Variants in FAM81A observed in about 807,000 individuals in gnomAD.
The protein encoded by FAM81A is family with sequence similarity 81 member A.
FAM81A carries 19 observed loss-of-function variants against 46.7 expected under a neutral mutation model. The observed-to-expected ratio is 0.41, with a 90% CI of 0.28 to 0.60. The LOEUF (loss-of-function observed/expected upper bound fraction) is 0.60, where lower values mean the gene tolerates loss of function less well. Ranked by LOEUF, FAM81A falls within the 20% of genes least tolerant of loss-of-function variation. The probability of loss-of-function intolerance (pLI) is 0.34; values close to 1 mark genes in which losing one functional copy is unlikely to be tolerated. For synonymous variants in FAM81A, 183 were observed against 152.9 expected (o/e 1.20, Z -1.45); for missense variants, 377 against 453.5 (o/e 0.83, Z 1.53).
At chr15:59,400,894 A>T (rs1330435312) in intron 1 of FAM81A, among the ~76,000 whole-genome samples, 1 of 152,124 alleles carries the variant, frequency 6.6e-6, no homozygotes, top group African/African-American at 2.4e-5. Flanking sequence ...GTTTCTATTG[A>T]TGCATTTTTA....
chr15:59,424,556 A>G (rs2081187289), intron 2 of FAM81A, among the ~76,000 whole-genome samples: 1 of 152,214 alleles, frequency 6.6e-6, no homozygotes, highest in Non-Finnish European at 1.5e-5. Context: ...GGCATTACAT[A>G]CTTGACAAGT....
At chr15:59,425,381 C>A (rs1404115201) in intron 2 of FAM81A, among the ~76,000 whole-genome samples, 1 of 152,096 alleles carries the variant, frequency 6.6e-6, no homozygotes, top group Non-Finnish European at 1.5e-5. Flanking sequence ...TTTTTCATTA[C>A]CATTCATGTA....
intron 1 of FAM81A, chr15:59,446,626 C>G (rs1228684413): frequency 6.6e-6 from 1 of 152,194 alleles, no homozygotes; most frequent in Non-Finnish European, 1.5e-5. Flanking sequence ...TAAGTGGACT[C>G]AAGGCCATTT....
chr15:59,404,477 T>C (rs1243045990), intron 2 of FAM81A, among the ~76,000 whole-genome samples: 1 of 152,172 alleles, frequency 6.6e-6, no homozygotes, highest in Non-Finnish European at 1.5e-5. Context: ...TGTTTTTTTT[T>C]AGAGACACAG....
intron 3 of FAM81A, among the ~76,000 whole-genome samples, chr15:59,481,028 T>C (rs1167308208): frequency 6.6e-6 from 1 of 152,176 alleles, no homozygotes; most frequent in Non-Finnish European, 1.5e-5. Flanking sequence ...AGGGTCTTGC[T>C]CTGTTGCTCA....
At chr15:59,492,446 A>G (rs1274003593) in intron 4 of FAM81A, 57 bp downstream of exon 4, 11 of 1,371,252 alleles carry the variant, frequency 8.0e-6, no homozygotes, top group Admixed American at 7.7e-5. Flanking sequence ...TATAAACTCC[A>G]TTATAGTGGG....
intron 1 of FAM81A, among the ~76,000 whole-genome samples, chr15:59,399,402 G>T (rs960988926): frequency 1.2e-4 from 19 of 152,070 alleles, no homozygotes; most frequent in African/African-American, 4.6e-4. Flanking sequence ...CAATATTAGG[G>T]GTTCTTGTAC....
intron 7 of FAM81A, among the ~76,000 whole-genome samples, chr15:59,515,239 A>G (rs2082254474): frequency 6.6e-6 from 1 of 152,148 alleles, no homozygotes; most frequent in African/African-American, 2.4e-5. Flanking sequence ...GTGAGACTCT[A>G]TCTCAAAAAA....
chr15:59,426,535 C>T (rs2081195563), intron 2 of FAM81A, among the ~76,000 whole-genome samples: 1 of 152,306 alleles, frequency 6.6e-6, no homozygotes, highest in East Asian at 1.9e-4. Context: ...TCGCTTGAAC[C>T]CAGGAGGCAG....
intron 4 of FAM81A, among the ~76,000 whole-genome samples, chr15:59,500,065 C>G (rs1567071559): frequency 6.6e-6 from 1 of 151,888 alleles, no homozygotes; most frequent in African/African-American, 2.4e-5. Context: ...GTTGGCCAGG[C>G]TGGTCTCAAA....
At chr15:59,446,018 T>G (rs181903126) in intron 1 of FAM81A, among the ~76,000 whole-genome samples, 2 of 152,176 alleles carry the variant, frequency 1.3e-5, no homozygotes, top group African/African-American at 4.8e-5. Flanking sequence ...GCAATCGATA[T>G]GTCATTTGGG....
At chr15:59,459,075 C>T (rs1596487377) in intron 2 of FAM81A, among the ~76,000 whole-genome samples, 1 of 152,366 alleles carries the variant, frequency 6.6e-6, no homozygotes, top group African/African-American at 2.4e-5. Context: ...CAGCTCACTG[C>T]AGCCTTGACC....
chr15:59,429,177 A>T (rs1172676879), intron 2 of FAM81A, among the ~76,000 whole-genome samples: 1 of 152,192 alleles, frequency 6.6e-6, no homozygotes, highest in Non-Finnish European at 1.5e-5. Flanking sequence ...TGTTATTCGG[A>T]TTCCTAATTC....
At position 59,466,141 on chromosome 15, in the gene FAM81A, C is replaced by G. The variant is rs186522824; in HGVS notation, c.294+5935C>G. Among the ~76,000 whole-genome samples, 389 of 152,322 alleles carry G rather than the reference C, an allele frequency of 2.6e-3. 3 individuals are homozygous for G. Among genetic ancestry groups the G allele is most frequent in the African/African-American group, 9.2e-3 (382 of 41,568 alleles). On this transcript the variant is annotated intron_variant, in intron 3 of 8. Coordinates refer to ENST00000288228, the MANE Select transcript of FAM81A (RefSeq NM_152450.3). ...CATTTGGGTTGGTTCCAAGTCTTTG[C>G]TATTCTGAATAGTGCTGCAATAAAC...
intron 3 of FAM81A, among the ~76,000 whole-genome samples, chr15:59,474,102 T>A (rs2081734681): frequency 6.6e-6 from 1 of 152,192 alleles, no homozygotes; most frequent in Non-Finnish European, 1.5e-5. Context: ...TCCCTCAGTG[T>A]ATCCTGGACA....
intron 3 of FAM81A, among the ~76,000 whole-genome samples, chr15:59,486,955 A>G (rs2081923778): frequency 6.6e-6 from 1 of 152,026 alleles, no homozygotes; most frequent in Non-Finnish European, 1.5e-5. Context: ...TACAAAACTC[A>G]CTGGTAATAG....
rs2141637350 is a variant in FAM81A, at chr15:59,458,562, A to G, written c.-65A>G. On this transcript the variant is annotated 5_prime_UTR_variant, in exon 2 of 9. An upstream open reading frame in the 5' UTR loses its in-frame stop. Coordinates refer to ENST00000288228, the MANE Select transcript of FAM81A (RefSeq NM_152450.3). Reference sequence around the variant, plus strand: ...ATTTTTTCAACAGATGTGAATTATTAAAAAGAAAATGGCCCAACGGAGCAC... The same window carrying G: ...ATTTTTTCAACAGATGTGAATTATTGAAAAGAAAATGGCCCAACGGAGCAC... 6.2e-7 allele frequency: 1 copy of G among 1,612,516 alleles called. No homozygotes were observed. The highest frequency in any genetic ancestry group is 1.1e-5 in the South Asian group (1 of 90,692).
At chr15:59,493,620 C>T (rs76439157) in intron 4 of FAM81A, among the ~76,000 whole-genome samples, 1 of 152,130 alleles carries the variant, frequency 6.6e-6, no homozygotes, top group East Asian at 1.9e-4. Flanking sequence ...ACAATTCTCA[C>T]TCTGTCTGCC....
At chr15:59,432,750 C>T (rs1182950974) in intron 2 of FAM81A, among the ~76,000 whole-genome samples, 9 of 152,018 alleles carry the variant, frequency 5.9e-5, no homozygotes, top group African/African-American at 9.7e-5. Context: ...TGCAACAGGG[C>T]CAGGGCTGAG....
Sources: allele counts gnomAD v4.1 joint callset (sites outside exome capture counted in the v4.1 genomes callset), GRCh38; gene constraint gnomAD v4.1.1; transcripts MANE v1.5; gene names NCBI Gene and HGNC (gene_info 2026-07-23, HGNC 2026-07-21).